Variants in DAB1 observed in about 807,000 individuals in gnomAD.
DAB1 encodes disabled homolog 1.
In DAB1, 15 loss-of-function variants were observed where a neutral mutation model predicts 64.6. The observed-to-expected ratio is 0.23, with a 90% CI of 0.16 to 0.36. The LOEUF (loss-of-function observed/expected upper bound fraction) is 0.36, where lower values mean the gene tolerates loss of function less well. Ranked by LOEUF, DAB1 falls within the 10% of genes least tolerant of loss-of-function variation. The probability of loss-of-function intolerance (pLI) is 1.00; values close to 1 mark genes in which losing one functional copy is unlikely to be tolerated. For synonymous variants in DAB1, 235 were observed against 251.9 expected (o/e 0.93, Z 0.64); for missense variants, 596 against 706.7 (o/e 0.84, Z 1.78).
At chr1:57,566,401 C>T (rs902305446) in intron 7 of DAB1, among the ~76,000 whole-genome samples, 2 of 152,054 alleles carry the variant, frequency 1.3e-5, no homozygotes, top group African/African-American at 4.8e-5. Context: ...CAAAAGCCAG[C>T]AGAAGGCAAG....
chr1:57,488,713 A>T (rs1644124740), intron 7 of DAB1, among the ~76,000 whole-genome samples: 1 of 151,912 alleles, frequency 6.6e-6, no homozygotes, highest in South Asian at 2.1e-4. Context: ...AATAAAAATA[A>T]AAATTATATA....
intron 5 of DAB1, among the ~76,000 whole-genome samples, chr1:58,112,984 T>C (rs916675684): frequency 6.6e-6 from 1 of 152,180 alleles, no homozygotes; most frequent in African/African-American, 2.4e-5. Context: ...GACTGAATTC[T>C]TGTTAAGTGG....
At chr1:57,009,395 C>G (rs375772965) in intron 14 of DAB1, among the ~76,000 whole-genome samples, 1 of 152,172 alleles carries the variant, frequency 6.6e-6, no homozygotes, top group African/African-American at 2.4e-5. Flanking sequence ...TTATTATGTG[C>G]TATTGCACTG....
intron 5 of DAB1, among the ~76,000 whole-genome samples, chr1:58,123,792 C>T (rs536457050): frequency 6.6e-6 from 1 of 152,186 alleles, no homozygotes; most frequent in East Asian, 1.9e-4. Context: ...AAGTCTTATT[C>T]AATTCATGTC....
chr1:58,099,937 C>T (rs1651212882), intron 5 of DAB1, among the ~76,000 whole-genome samples: 1 of 152,182 alleles, frequency 6.6e-6, no homozygotes, highest in Non-Finnish European at 1.5e-5. Flanking sequence ...TTCCAGACAG[C>T]CATGTGGCTT....
intron 1 of DAB1, among the ~76,000 whole-genome samples, chr1:57,333,417 A>G (rs1032940694): frequency 1.3e-5 from 2 of 152,248 alleles, no homozygotes; most frequent in African/African-American, 2.4e-5. Flanking sequence ...GGTTGCTGTC[A>G]ATAGGACATG....
chr1:58,410,235 A>ATCT (rs1390817796), intron 3 of DAB1, among the ~76,000 whole-genome samples: 1 of 152,162 alleles, frequency 6.6e-6, no homozygotes, highest in Non-Finnish European at 1.5e-5. Context: ...CATATATAAG[A>ATCT]TCTTTAAGGA....
At position 57,308,235 on chromosome 1, in the gene DAB1, T is replaced by C. The variant is rs149229044; in HGVS notation, c.-136-17069A>G. Among the ~76,000 whole-genome samples the C allele has an allele frequency of 2.9e-4, 44 of 152,344 alleles. 1 individual carries two copies. In the East Asian group the frequency reaches 7.5e-3, roughly 26 times the overall value. The stretch of plus-strand genomic sequence containing the variant: ...ATTAGGTGCCCATTAGCTTTCAGCT[T>C]CCAGAGAGCAGCAAGCTAGTCCTGC... On this transcript the variant is annotated intron_variant, in intron 1 of 14. Coordinates refer to ENST00000371236, the MANE Select transcript of DAB1 (RefSeq NM_001365792.1).
chr1:57,706,725 A>G lies in DAB1; in HGVS notation n.552-57060T>C, dbSNP rs1301198700. Among the ~76,000 whole-genome samples, 7 of 152,172 alleles carry G rather than the reference A, an allele frequency of 4.6e-5. No individual in the cohort carries two copies. The East Asian group carries it at 1.4e-3, about 29-fold the overall frequency. On this transcript the variant is annotated intron_variant and non_coding_transcript_variant, in intron 6 of 20. Coordinates refer to the DAB1 transcript ENST00000485760. Reference sequence around the variant, plus strand: ...CAGGAAATTTGTGCACTAGGTGTATATATTTATATGCTGTTTTATCACGTG... The same window carrying G: ...CAGGAAATTTGTGCACTAGGTGTATGTATTTATATGCTGTTTTATCACGTG...
chr1:57,294,079 T>C (rs1379333689), intron 1 of DAB1, among the ~76,000 whole-genome samples: 1 of 152,176 alleles, frequency 6.6e-6, no homozygotes, highest in Non-Finnish European at 1.5e-5. Context: ...GTTGAGCAAA[T>C]GCTGTGAAGT....
intron 1 of DAB1, among the ~76,000 whole-genome samples, chr1:57,418,680 T>C (rs997439852): frequency 6.6e-6 from 1 of 152,220 alleles, no homozygotes; most frequent in Non-Finnish European, 1.5e-5. Context: ...GAATTTTATT[T>C]ATATTTTCCT....
chr1:58,528,053 T>C (rs1646379094), intron 1 of DAB1, among the ~76,000 whole-genome samples: 1 of 152,242 alleles, frequency 6.6e-6, no homozygotes, highest in African/African-American at 2.4e-5. Context: ...CTTTCAAAGG[T>C]AGCCACATGT....
intron 7 of DAB1, among the ~76,000 whole-genome samples, chr1:57,641,632 C>A (rs971817157): frequency 6.6e-6 from 1 of 151,926 alleles, no homozygotes; most frequent in African/African-American, 2.4e-5. Context: ...GATCTGCCCA[C>A]CTCAGTCTCC....
chr1:57,014,794 G>T, intron 12 of DAB1, 89 bp downstream of exon 12: 1 of 1,070,126 alleles, frequency 9.3e-7, no homozygotes, highest in Non-Finnish European at 1.3e-6. Context: ...TAATGCAAGT[G>T]AGATGAGTTA....
At chr1:57,271,777 T>C (rs1467480068) in intron 2 of DAB1, among the ~76,000 whole-genome samples, 1 of 152,214 alleles carries the variant, frequency 6.6e-6, no homozygotes, top group Non-Finnish European at 1.5e-5. Context: ...GTTGTACCTG[T>C]TCAGTACGTG....
At chr1:57,171,347 T>C (rs1329273498) in intron 2 of DAB1, among the ~76,000 whole-genome samples, 1 of 152,236 alleles carries the variant, frequency 6.6e-6, no homozygotes, top group African/African-American at 2.4e-5. Flanking sequence ...GTTTGCTTAG[T>C]ACAATGCAAA....
At chr1:58,536,878 C>A in intron 1 of DAB1, 2 of 567,258 alleles carry the variant, frequency 3.5e-6, no homozygotes, top group East Asian at 2.9e-5. Context: ...CATCGCTTTT[C>A]CAATTAATAA....
chr1:57,156,735 C>T (rs573342173), intron 2 of DAB1, among the ~76,000 whole-genome samples: 9 of 152,296 alleles, frequency 5.9e-5, no homozygotes, highest in Admixed American at 4.6e-4. Context: ...TTGCTTTATG[C>T]CATTAGAGAA....
chr1:57,587,881 C>G (rs910524700), intron 7 of DAB1, among the ~76,000 whole-genome samples: 4 of 152,192 alleles, frequency 2.6e-5, no homozygotes, highest in Non-Finnish European at 5.9e-5. Context: ...CCCTGTACCA[C>G]AGAAGCCACC....
Sources: gnomAD v4.1 joint callset for allele counts (sites outside exome capture counted in the v4.1 genomes callset) on GRCh38, gnomAD v4.1.1 for gene constraint, MANE v1.5 for transcripts, NCBI Gene and HGNC (gene_info 2026-07-23, HGNC 2026-07-21) for gene names.